ERC2: variants seen among roughly 807,000 people sequenced by gnomAD.
ERC2 encodes the protein ERC protein 2.
Under a neutral mutation model 114.8 loss-of-function variants are expected in ERC2, and 42 were observed. That is an observed-to-expected ratio of 0.37 (90% confidence interval 0.29 to 0.47). The LOEUF (loss-of-function observed/expected upper bound fraction) is 0.47, where lower values mean the gene tolerates loss of function less well. ERC2 is among the 20% of genes least tolerant of loss of function. ERC2 has a pLI of 0.99. For missense variants in ERC2, 939 were observed against 1,150.7 expected (o/e 0.82, Z 2.66); for synonymous variants, 454 against 425.5 (o/e 1.07, Z -0.82).
intron 2 of ERC2, among the ~76,000 whole-genome samples, chr3:56,392,401 T>C (rs1288654147): frequency 6.6e-6 from 1 of 152,192 alleles, no homozygotes; most frequent in East Asian, 1.9e-4. Context: ...CTATCTTTCT[T>C]GTTGGGGCTT....
In ERC2 at chr3:55,888,500, G is replaced by A. The variant is rs1340960270; in HGVS notation, c.2453C>T (p.Ala818Val). 6.2e-7 allele frequency: 1 copy of A among 1,613,880 alleles called. No individual in the cohort carries two copies. The change falls in exon 14 of 18, where the codon GCC becomes GTC. Residue 818 changes from alanine (A) to valine (V), a missense_variant. Ala to Val is a moderately conservative substitution (Grantham distance 64). Transcript: ENST00000288221. ...ALEKTRQELD[A>V]TKARLASTQQ... ...TGTGGAGGCGAGGCGTGCTTTGGTG[G>A]CATCCAGTTCCTGTCTGGTCTTCTC...
chr3:55,566,175 C>T (rs897757884), intron 17 of ERC2, among the ~76,000 whole-genome samples: 1 of 152,186 alleles, frequency 6.6e-6, no homozygotes, highest in South Asian at 2.1e-4. Context: ...GGTTTCACCA[C>T]TTACCAATTG....
intron 14 of ERC2, among the ~76,000 whole-genome samples, chr3:55,860,492 T>C (rs896881353): frequency 6.6e-6 from 1 of 152,108 alleles, no homozygotes; most frequent in African/African-American, 2.4e-5. Context: ...ACAGCATAAA[T>C]CCACAATGTT....
intron 14 of ERC2, among the ~76,000 whole-genome samples, chr3:55,744,629 T>C (rs1280227539): frequency 2.0e-5 from 3 of 152,324 alleles, no homozygotes; most frequent in South Asian, 2.1e-4. Context: ...AAGTGGTCAA[T>C]GGGAAACTTC....
At chr3:56,386,442 A>C (rs911268163) in intron 2 of ERC2, among the ~76,000 whole-genome samples, 1 of 152,134 alleles carries the variant, frequency 6.6e-6, no homozygotes, top group Non-Finnish European at 1.5e-5. Context: ...TTATCCCCAA[A>C]GCTTCCCAAC....
At chr3:55,714,661 GTGTGTGTATATATATATATA>G (rs1350614928) in intron 15 of ERC2, among the ~76,000 whole-genome samples, 248 of 71,696 alleles carry the variant, frequency 3.5e-3, no homozygotes, top group Admixed American at 0.013. Flanking sequence ...GTGTGTGTGT[GTGTGTGTATATATATATATA>G]TATATATATA....
At chr3:55,785,542 C>T (rs1405746219) in intron 14 of ERC2, among the ~76,000 whole-genome samples, 1 of 152,204 alleles carries the variant, frequency 6.6e-6, no homozygotes, top group Non-Finnish European at 1.5e-5. Flanking sequence ...CCCTGCATTC[C>T]TCAACCTCAA....
chr3:56,197,009 T>G (rs553700577), intron 3 of ERC2, among the ~76,000 whole-genome samples: 3 of 151,938 alleles, frequency 2.0e-5, no homozygotes, highest in African/African-American at 7.2e-5. Context: ...AAAAACAGAT[T>G]CAAAACAATT....
At chr3:56,206,199 AC>A (rs1228630365) in intron 3 of ERC2, among the ~76,000 whole-genome samples, 1 of 44,676 alleles carries the variant, frequency 2.2e-5, no homozygotes, top group Non-Finnish European at 4.5e-5. Context: ...ACACACACAC[AC>A]ATACACACAC....
intron 14 of ERC2, among the ~76,000 whole-genome samples, chr3:55,808,980 T>C (rs2059610792): frequency 6.6e-6 from 1 of 151,710 alleles, no homozygotes; most frequent in African/African-American, 2.4e-5. Context: ...AAAAATGGTA[T>C]GAACAAGTAA....
chr3:55,852,809 T>C (rs2061630342), intron 14 of ERC2, among the ~76,000 whole-genome samples: 1 of 152,190 alleles, frequency 6.6e-6, no homozygotes, highest in Non-Finnish European at 1.5e-5. Context: ...TCAATAAAAA[T>C]ACATACTGCA....
chr3:56,120,133 A>C (rs1002722634), intron 6 of ERC2, among the ~76,000 whole-genome samples: 5 of 152,146 alleles, frequency 3.3e-5, no homozygotes, highest in Non-Finnish European at 7.3e-5. Context: ...AGCATTGAAA[A>C]AAAAGAGAGA....
chr3:56,239,398 C>T (rs1003523284), intron 3 of ERC2, among the ~76,000 whole-genome samples: 1 of 152,130 alleles, frequency 6.6e-6, no homozygotes, highest in Non-Finnish European at 1.5e-5. Context: ...CCCAGCTACT[C>T]TGGAGGCTAA....
At chr3:55,666,619 G>T (rs989003253) in intron 17 of ERC2, among the ~76,000 whole-genome samples, 5 of 152,088 alleles carry the variant, frequency 3.3e-5, no homozygotes, top group Non-Finnish European at 2.9e-5. Flanking sequence ...ATCATTTTTG[G>T]TTGTTACAAC....
In ERC2 at chr3:55,510,522, TGATCAATTTA is replaced by T. The variant is rs889757627; in HGVS notation, c.*784_*793del. 11 of 152,628 alleles carry T rather than the reference TGATCAATTTA, an allele frequency of 7.2e-5. No homozygotes were observed. Among genetic ancestry groups the T allele is most frequent in the African/African-American group, 2.7e-4 (11 of 41,444 alleles). The allele number at this position is 152,628 out of a possible 1,614,324, so 9.5% of individuals were successfully genotyped here. A position where few individuals can be genotyped will look rare whatever the true frequency, so the allele number is the denominator to read the frequency against. On this transcript the variant is annotated 3_prime_UTR_variant, in exon 18 of 18. Transcript: ENST00000288221. ...ATGACTGGGTAGATAAAATTATGAA[TGATCAATTTA>T]GATGTGCCACGCATTGTCAGAGACA...
chr3:55,632,764 A>G (rs2059808330), intron 17 of ERC2, among the ~76,000 whole-genome samples: 1 of 152,226 alleles, frequency 6.6e-6, no homozygotes, highest in Non-Finnish European at 1.5e-5. Context: ...TCTCACCCCA[A>G]TTAACACCAA....
Position 55,546,740 on chromosome 3 carries a change from G to A in ERC2, c.*40-35464C>T, listed in dbSNP as rs942939675. Among the ~76,000 whole-genome samples, 3 of 152,218 alleles carry A rather than the reference G, an allele frequency of 2.0e-5. No homozygotes were observed. In the East Asian group the frequency reaches 5.8e-4, roughly 29 times the overall value. ...TGTCTATGCACAGCCAGCCAGTAAG[G>A]AGTGAGGAAGGAAGATGTGTGCAAG... is the stretch of plus-strand genomic sequence containing the variant. On this transcript the variant is annotated intron_variant, in intron 17 of 17. Transcript: ENST00000288221.
At chr3:55,524,698 C>A (rs2053195872) in intron 17 of ERC2, among the ~76,000 whole-genome samples, 2 of 152,124 alleles carry the variant, frequency 1.3e-5, no homozygotes, top group Admixed American at 1.3e-4. Flanking sequence ...TAAATGTGAG[C>A]AAGCTCACTG....
chr3:55,756,123 A>C (rs2067043418), intron 14 of ERC2, among the ~76,000 whole-genome samples: 2 of 152,198 alleles, frequency 1.3e-5, no homozygotes, highest in African/African-American at 4.8e-5. Flanking sequence ...ATGTCTTCAA[A>C]AGTTTGCAGC....
Sources: gnomAD v4.1 joint callset for allele counts (sites outside exome capture counted in the v4.1 genomes callset) on GRCh38, gnomAD v4.1.1 for gene constraint, MANE v1.5 for transcripts, NCBI Gene and HGNC (gene_info 2026-07-23, HGNC 2026-07-21) for gene names.